Variants in TRIM28 observed in about 807,000 individuals in gnomAD.
TRIM28 encodes the protein tripartite motif containing 28.
Under a neutral mutation model 87.4 loss-of-function variants are expected in TRIM28, and 8 were observed. That is an observed-to-expected ratio of 0.09 (90% CI 0.05 to 0.17). TRIM28 has a LOEUF of 0.17. Ranked by LOEUF, TRIM28 falls within the 10% of genes least tolerant of loss-of-function variation. The pLI, the probability that TRIM28 is intolerant of heterozygous loss-of-function variation, is 1.00. For missense variants in TRIM28, 968 were observed against 1,131.8 expected (o/e 0.86, Z 2.08); for synonymous variants, 601 against 454.3 (o/e 1.32, Z -4.11).
At chr19:58,546,038 G>C (rs2053758395) in intron 3 of TRIM28, 142 bp downstream of exon 3, 7 of 1,087,712 alleles carry the variant, frequency 6.4e-6, no homozygotes, top group Non-Finnish European at 8.9e-6. Flanking sequence ...CAGAACTCCA[G>C]AAGCAGAAAA....
Position 58,548,039 on chromosome 19 carries a change from G to T in TRIM28, c.960G>T (p.Val320=), listed in dbSNP as rs769051144. 8 of 1,614,052 alleles carry T rather than the reference G, an allele frequency of 5.0e-6. No homozygotes were observed. In the African/African-American group the frequency reaches 1.1e-4, roughly 22 times the overall value. Reference sequence around the variant, plus strand: ...CATACACCTTCTATCTGCAGAAGGTGACTGAGGGGCAGCAGGAGCGCCTGG... The same window carrying T: ...CATACACCTTCTATCTGCAGAAGGTTACTGAGGGGCAGCAGGAGCGCCTGG... The part of the protein sequence containing the change: ...GRVLVNDAQK[V]TEGQQERLER... The change falls in exon 7 of 17, where the codon GTG becomes GTT. Residue 320 remains valine (V), a synonymous_variant. Coordinates refer to ENST00000253024, the MANE Select transcript of TRIM28 (RefSeq NM_005762.3).
At position 58,544,783 on chromosome 19, in the gene TRIM28, C is replaced by T; in HGVS notation, c.26C>T (p.Ser9Leu). The change falls in exon 1 of 17, where the codon TCG (serine) becomes TTG (leucine). Residue 9 changes from serine to leucine, a missense_variant. Around this residue, in one of 11 missense-constraint regions of TRIM28, gnomAD observed 208 missense variants for 170.9 expected, o/e 1.22. Coordinates refer to ENST00000253024, the MANE Select transcript of TRIM28 (RefSeq NM_005762.3). Reference sequence around the variant, plus strand: ...ATGGCGGCCTCCGCGGCGGCAGCCTCGGCAGCAGCGGCCTCGGCCGCCTCT... The same window carrying T: ...ATGGCGGCCTCCGCGGCGGCAGCCTTGGCAGCAGCGGCCTCGGCCGCCTCT... MAASAAAA[S>L]AAAASAASGS... 1 of 1,177,122 alleles carries T rather than the reference C, an allele frequency of 8.5e-7. No individual in the cohort carries two copies. Among genetic ancestry groups the T allele is most frequent in the South Asian group, 3.7e-5 (1 of 27,078 alleles). The allele number at this position is 1,177,122 out of a possible 1,614,324, so 72.9% of individuals were successfully genotyped here. A position where few individuals can be genotyped will look rare whatever the true frequency, so the allele number is the denominator to read the frequency against.
intron 1 of TRIM28, 118 bp from the exon 2 acceptor site, chr19:58,545,302 CGGGGA>C: frequency 1.1e-6 from 1 of 943,390 alleles, no homozygotes; most frequent in Non-Finnish European, 1.6e-6. Flanking sequence ...AAAGAAGGCT[CGGGGA>C]GGGGAGGGGC....
In TRIM28 at chr19:58,548,305, G is replaced by A. The variant is rs889406181; in HGVS notation, c.1113G>A (p.Gln371=). The change falls in exon 8 of 17, where the codon CAG becomes CAA. Residue 371 remains glutamine (Q), a synonymous_variant. Transcript: ENST00000253024. Reference sequence around the variant, plus strand: ...TCACTCCCAACCAGATCTACTTCCAGCTGCACCGGGCCCTCAAGATGATTG... The same window carrying A: ...TCACTCCCAACCAGATCTACTTCCAACTGCACCGGGCCCTCAAGATGATTG... ...LLLSKKLIYF[Q]LHRALKMIVD... is the part of the protein sequence containing the mutation. 3 of 1,614,004 alleles carry A rather than the reference G, an allele frequency of 1.9e-6. No individual in the cohort carries two copies. The African/African-American group carries it at 4.0e-5, about 22-fold the overall frequency.
rs749672741 is a variant in TRIM28 at position 58,549,987 on chromosome 19, A to T, written c.2145A>T (p.Glu715Asp). Residue 715 changes from glutamate (E) to aspartate (D), a missense_variant, in exon 15 of 17, where the codon GAA becomes GAT. Transcript: ENST00000253024. The surrounding 1 kb of genome is among the most constrained non-coding windows in gnomAD (Gnocchi z 4.4). ...ERVLLALFCH[E>D]PCRPLHQLAT... ...TACTGCTGGCCCTATTCTGTCACGA[A>T]CCCTGCCGCCCCCTGCATCAGCTGG... The T allele has an allele frequency of 1.2e-5, 20 of 1,612,834 alleles. No individual in the cohort carries two copies. The highest frequency in any genetic ancestry group is 1.5e-5 in the Non-Finnish European group (18 of 1,179,694).
chr19:58,546,110 G>A (rs2053759023), intron 3 of TRIM28, among the ~76,000 whole-genome samples: 1 of 152,182 alleles, frequency 6.6e-6, no homozygotes, highest in African/African-American at 2.4e-5. Flanking sequence ...GGGGAAATAA[G>A]GGAGACCTTA....
Position 58,549,867 on chromosome 19 carries a change from G to A in TRIM28, c.2106+7G>A, listed in dbSNP as rs754855819. The A allele has an allele frequency of 5.0e-6, 8 of 1,613,052 alleles. No homozygotes were observed. In the East Asian group the frequency reaches 1.8e-4, roughly 36 times the overall value. On this transcript the variant is annotated splice_region_variant and intron_variant, in intron 14 of 16. Transcript: ENST00000253024. The surrounding 1 kb of genome is among the most constrained non-coding windows in gnomAD (Gnocchi z 4.4). ...CTCACCAGCCAACCAGCGGGTGAGG[G>A]CTGGGGTTACTTAGGTGGGGTTGCC...
rs778907389 is a variant in TRIM28, at chr19:58,548,990, C to T, written c.1412C>T (p.Ser471Phe). Residue 471 changes from serine to phenylalanine, a missense_variant and splice_region_variant, in exon 12 of 17, where the codon TCC (serine) becomes TTC (phenylalanine). Coordinates refer to ENST00000253024, the MANE Select transcript of TRIM28 (RefSeq NM_005762.3). ...ATGCCAGGTTGCTGCATCTACAGGT[C>T]CCGCTCAGGTGAGGGCGAGGTGAGC... is the stretch of plus-strand genomic sequence containing the variant. Reference protein sequence around the residue: ...AEPHVSGVKRSRSGEGEVSGL... With the variant: ...AEPHVSGVKRFRSGEGEVSGL... 15 of 1,613,886 alleles carry T rather than the reference C, an allele frequency of 9.3e-6. No individual in the cohort carries two copies. The highest frequency in any genetic ancestry group is 3.4e-6 in the Non-Finnish European group (4 of 1,179,982).
At chr19:58,546,927 C>T (rs527326768) in intron 3 of TRIM28, among the ~76,000 whole-genome samples, 1 of 151,966 alleles carries the variant, frequency 6.6e-6, no homozygotes, top group Non-Finnish European at 1.5e-5. Flanking sequence ...GTAAGAGACC[C>T]TGGTGTTCTC....
In TRIM28 at chr19:58,545,062, G is replaced by A. The variant is rs1427199334; in HGVS notation, c.305G>A (p.Ser102Asn). Residue 102 changes from serine to asparagine, a missense_variant, in exon 1 of 17, where the codon AGC (serine) becomes AAC (asparagine). Physicochemically the swap from Ser to Asn is conservative, Grantham distance 46 (BLOSUM62 1). Transcript: ENST00000253024. ...LGPAAPAAAN[S>N]SGDGGAAGDG... is the part of the protein sequence containing the mutation. ...CCCGCGGCCCCCGCCGCCGCCAACAGCTCGGGGGACGGCGGGGCGGCGGGC... is the reference window on the plus strand; with the variant it reads ...CCCGCGGCCCCCGCCGCCGCCAACAACTCGGGGGACGGCGGGGCGGCGGGC... The A allele has an allele frequency of 2.8e-6, 4 of 1,450,852 alleles. No individual in the cohort carries two copies. The highest frequency in any genetic ancestry group is 1.8e-6 in the Non-Finnish European group (2 of 1,115,064). 89.9% of individuals were successfully genotyped at this position (1,450,852 alleles called of 1,614,324 possible). A position where few individuals can be genotyped will look rare whatever the true frequency, so the allele number is the denominator to read the frequency against.
At position 58,549,433 on chromosome 19, in the gene TRIM28, G is replaced by C. The variant is rs150876701; in HGVS notation, c.1765G>C (p.Gly589Arg). 5 of 1,606,392 alleles carry C rather than the reference G, an allele frequency of 3.1e-6. No homozygotes were observed. Among genetic ancestry groups the C allele is most frequent in the Non-Finnish European group, 4.3e-6 (5 of 1,174,208 alleles). Residue 589 changes from glycine to arginine, a missense_variant, in exon 13 of 17, where the codon GGT becomes CGT. By Grantham distance (125) the Gly-to-Arg change is moderately radical. This residue lies in a region of TRIM28 where 164 missense variants were observed against 146.2 expected (regional missense o/e 1.12). Coordinates refer to ENST00000253024, the MANE Select transcript of TRIM28 (RefSeq NM_005762.3). This position sits in a 1 kb window ranked among gnomAD's most constrained non-coding sequence, Gnocchi z 4.4. ...MALAEGPGAE[G>R]PRLASPSGST... ...TCTTGCGGAGGGTCCTGGTGCTGAG[G>C]GTCCCCGCCTGGCCTCACCTAGTGG...
chr19:58,545,915 G>T lies in TRIM28; in HGVS notation c.586+19G>T, dbSNP rs2053757342. The T allele has an allele frequency of 6.4e-7, 1 of 1,573,788 alleles. No individual in the cohort carries two copies. Among genetic ancestry groups the T allele is most frequent in the East Asian group, 2.3e-5 (1 of 44,018 alleles). ...TCTACTGGTACATGAGGCTGAGGGG[G>T]GCTGTTGGAGTTGTTCTCCCATGTG... On this transcript the variant is annotated intron_variant, in intron 3 of 16. Coordinates refer to ENST00000253024, the MANE Select transcript of TRIM28 (RefSeq NM_005762.3).
Position 58,544,679 on chromosome 19 carries a change from T to G in TRIM28, c.-79T>G. 2 of 585,536 alleles carry G rather than the reference T, an allele frequency of 3.4e-6. No homozygotes were observed. The highest frequency in any genetic ancestry group is 4.3e-6 in the Non-Finnish European group (2 of 466,398). The allele number at this position is 585,536 out of a possible 1,614,324, so 36.3% of individuals were successfully genotyped here. A position where few individuals can be genotyped will look rare whatever the true frequency, so the allele number is the denominator to read the frequency against. ...GGCGGCGGCGGCAGCGGCCCAGCAG[T>G]TGGCGGCGAGCGCGTCTGCGCCTGC... is the stretch of plus-strand genomic sequence containing the variant. On this transcript the variant is annotated 5_prime_UTR_variant, in exon 1 of 17. Transcript: ENST00000253024.
At position 58,544,763 on chromosome 19, in the gene TRIM28, G is replaced by T. The variant is rs2053744450; in HGVS notation, c.6G>T (p.Ala2=). Residue 2 remains alanine, a synonymous_variant, in exon 1 of 17, where the codon GCG becomes GCT. Transcript: ENST00000253024. ...GCGCCCCCGGCGGCGTGTGAATGGCGGCCTCCGCGGCGGCAGCCTCGGCAG... is the reference window on the plus strand; with the variant it reads ...GCGCCCCCGGCGGCGTGTGAATGGCTGCCTCCGCGGCGGCAGCCTCGGCAG... The part of the protein sequence containing the change: M[A]ASAAAASAAA... 6 of 1,127,492 alleles carry T rather than the reference G, an allele frequency of 5.3e-6. No individual in the cohort carries two copies. Among genetic ancestry groups the T allele is most frequent in the Non-Finnish European group, 6.5e-6 (6 of 923,486 alleles). The allele number at this position is 1,127,492 out of a possible 1,614,324, so 69.8% of individuals were successfully genotyped here. A position where few individuals can be genotyped will look rare whatever the true frequency, so the allele number is the denominator to read the frequency against.
At position 58,549,725 on chromosome 19, in the gene TRIM28, TC is replaced by T; in HGVS notation, c.1983-11del. 1 of 1,601,428 alleles carries T rather than the reference TC, an allele frequency of 6.2e-7. No individual in the cohort carries two copies. The highest frequency in any genetic ancestry group is 1.3e-5 in the African/African-American group (1 of 74,766). On this transcript the variant is annotated splice_polypyrimidine_tract_variant and intron_variant, in intron 13 of 16. Transcript: ENST00000253024. This position sits in a 1 kb window ranked among gnomAD's most constrained non-coding sequence, Gnocchi z 4.4. Reference sequence around the variant, plus strand: ...CAGGATCATGTGCAGACCCTTATTTTCTTCACCCTAGGGAGGAGTGGAGCTG... The same window carrying T: ...CAGGATCATGTGCAGACCCTTATTTTTTCACCCTAGGGAGGAGTGGAGCTG...
chr19:58,545,355 C>A, intron 1 of TRIM28, 70 bp from the exon 2 acceptor site: 3 of 1,274,820 alleles, frequency 2.4e-6, no homozygotes, highest in Non-Finnish European at 1.1e-6. Flanking sequence ...GCCCACCCAG[C>A]AGGGGAATGG....
Position 58,545,486 on chromosome 19 carries a change from C to T in TRIM28, c.402C>T (p.Phe134=). The change falls in exon 2 of 17, where the codon TTC becomes TTT. Residue 134 remains phenylalanine, a synonymous_variant. Transcript: ENST00000253024. ...CCAAAGACATCGTGGAGAATTATTT[C>T]ATGCGTGATAGTGGCAGCAAGGCTG... ...CFSKDIVENY[F]MRDSGSKAAT... is the part of the protein sequence containing the mutation. 1.9e-6 allele frequency: 3 copies of T among 1,612,804 alleles called. No individual in the cohort carries two copies. Among genetic ancestry groups the T allele is most frequent in the Non-Finnish European group, 2.5e-6 (3 of 1,179,786 alleles).
rs1311698488 is a variant in TRIM28 at position 58,548,559 on chromosome 19, G to A, written c.1290G>A (p.Gly430=). ...CCATGGCCCCTCCAAGAGCCCCAGG[G>A]CCCCTGAGCAAGCAGGGCTCTGGCA... is the stretch of plus-strand genomic sequence containing the variant. ...PAPMAPPRAP[G]PLSKQGSGSS... The change falls in exon 9 of 17, where the codon GGG becomes GGA. Residue 430 remains glycine (G), a synonymous_variant. Transcript: ENST00000253024. 1 of 1,612,948 alleles carries A rather than the reference G, an allele frequency of 6.2e-7. No homozygotes were observed. Among genetic ancestry groups the A allele is most frequent in the African/African-American group, 1.3e-5 (1 of 74,794 alleles).
intron 3 of TRIM28, among the ~76,000 whole-genome samples, chr19:58,546,329 A>G (rs2053761004): frequency 6.6e-6 from 1 of 152,046 alleles, no homozygotes; most frequent in Admixed American, 6.5e-5. Context: ...TGATTTTTGG[A>G]AGTGTTTTAG....
Sources: allele counts gnomAD v4.1 joint callset (sites outside exome capture counted in the v4.1 genomes callset), GRCh38; gene constraint gnomAD v4.1.1; regional missense constraint gnomAD v4.1.1; non-coding constraint Gnocchi (gnomAD v3.1); transcripts MANE v1.5; gene names NCBI Gene and HGNC (gene_info 2026-07-23, HGNC 2026-07-21).